OR3A2: variants seen among roughly 807,000 people sequenced by gnomAD.
The protein encoded by OR3A2 is olfactory receptor family 3 subfamily A member 2.
For synonymous variants in OR3A2, 126 were observed against 159.3 expected (o/e 0.79, Z 1.57); for missense variants, 318 against 392.8 (o/e 0.81, Z 1.61).
At chr17:3,285,004 A>G (rs2625469), upstream of OR3A2, among the ~76,000 whole-genome samples, 11 of 151,726 alleles carry the variant, frequency 7.2e-5, no homozygotes, top group Non-Finnish European at 1.6e-4. Context: ...TCTCCTGGGG[A>G]CTTGTTAGTG....
intron 2 of OR3A2, among the ~76,000 whole-genome samples, chr17:3,371,462 G>A (rs1177296107): frequency 4.1e-5 from 6 of 145,678 alleles, no homozygotes; most frequent in Admixed American, 4.0e-4. Context: ...TGGCTGGCTG[G>A]GCGGGGGGCT....
intron 3 of OR3A2, among the ~76,000 whole-genome samples, chr17:3,313,469 C>T (rs2049059862): frequency 6.6e-6 from 1 of 152,250 alleles, no homozygotes; most frequent in African/African-American, 2.4e-5. Flanking sequence ...TAACTCAGTG[C>T]TGTCTACACT....
At chr17:3,381,319 T>A (rs230408) in intron 2 of OR3A2, among the ~76,000 whole-genome samples, 5 of 130,186 alleles carry the variant, frequency 3.8e-5, no homozygotes, top group African/African-American at 9.6e-5. Flanking sequence ...AAACATAGGG[T>A]TTTTTTTTTT....
At chr17:3,293,325 A>C (rs1048066525) in intron 3 of OR3A2, among the ~76,000 whole-genome samples, 1 of 152,222 alleles carries the variant, frequency 6.6e-6, no homozygotes, top group Non-Finnish European at 1.5e-5. Context: ...TACACAGGCT[A>C]TAGATAAAGC....
In OR3A2 at chr17:3,345,537, TAAG is replaced by T. The variant is rs552035037; in HGVS notation, c.-178-9414_-178-9412del. On this transcript the variant is annotated intron_variant, in intron 2 of 4. Coordinates refer to the OR3A2 transcript ENST00000573491. ...AGCAGCCTTAGAAAGTGAAATAAAA[TAAG>T]AAGAGCCCATAAAAAGAAACAATAT... 1.7e-3 allele frequency among the ~76,000 whole-genome samples: 265 copies of T among 151,434 alleles called. 1 individual carries two copies. Among genetic ancestry groups the T allele is most frequent in the African/African-American group, 5.8e-3 (239 of 41,300 alleles).
intron 3 of OR3A2, chr17:3,310,696 T>C (rs1277698684): frequency 5.5e-6 from 3 of 545,354 alleles, no homozygotes; most frequent in Non-Finnish European, 1.1e-5. Context: ...TATCTGGCCA[T>C]CTGCCAGTCC....
intron 2 of OR3A2, among the ~76,000 whole-genome samples, chr17:3,336,649 A>G (rs897650117): frequency 6.6e-6 from 1 of 152,204 alleles, no homozygotes; most frequent in Non-Finnish European, 1.5e-5. Flanking sequence ...TGTATAAAGA[A>G]TATCAATTTG....
chr17:3,319,669 T>A (rs1015309679), intron 3 of OR3A2, among the ~76,000 whole-genome samples: 11 of 152,186 alleles, frequency 7.2e-5, no homozygotes, highest in Non-Finnish European at 1.5e-4. Flanking sequence ...AATGATGGTT[T>A]CCAGTTTCAT....
At chr17:3,370,639 T>TTC (rs1165831403) in intron 2 of OR3A2, among the ~76,000 whole-genome samples, 1 of 151,916 alleles carries the variant, frequency 6.6e-6, no homozygotes, top group Admixed American at 6.6e-5. Context: ...TTCGGATTTT[T>TTC]TTTTTTATTG....
intron 3 of OR3A2, among the ~76,000 whole-genome samples, chr17:3,305,868 C>A (rs2048996075): frequency 6.6e-6 from 1 of 152,200 alleles, no homozygotes; most frequent in South Asian, 2.1e-4. Flanking sequence ...TTGGTTCGTG[C>A]CTTCCTTCTT....
At chr17:3,315,469 G>A (rs759024263) in intron 3 of OR3A2, among the ~76,000 whole-genome samples, 8 of 151,940 alleles carry the variant, frequency 5.3e-5, no homozygotes, top group Admixed American at 1.3e-4. Context: ...TGGGTTTGTC[G>A]GCCACTTGTA....
intron 2 of OR3A2, among the ~76,000 whole-genome samples, chr17:3,342,078 C>T (rs773001110): frequency 3.3e-5 from 5 of 151,662 alleles, no homozygotes; most frequent in African/African-American, 9.7e-5. Flanking sequence ...CTTGTGCATG[C>T]GTCACGTAGT....
intron 2 of OR3A2, among the ~76,000 whole-genome samples, chr17:3,383,430 A>G (rs1229136175): frequency 6.6e-6 from 1 of 152,160 alleles, no homozygotes; most frequent in African/African-American, 2.4e-5. Flanking sequence ...CTTGACATCA[A>G]CCGTGTAAGA....
At chr17:3,321,940 G>A (rs1344004127) in intron 3 of OR3A2, among the ~76,000 whole-genome samples, 3 of 152,274 alleles carry the variant, frequency 2.0e-5, no homozygotes, top group African/African-American at 7.2e-5. Context: ...GATTGGAATA[G>A]TTTCAGAAGG....
At chr17:3,339,101 T>A (rs1273292641) in intron 2 of OR3A2, among the ~76,000 whole-genome samples, 1 of 152,190 alleles carries the variant, frequency 6.6e-6, no homozygotes, top group Non-Finnish European at 1.5e-5. Flanking sequence ...TGCTTATGAT[T>A]TTTGCACATT....
At chr17:3,368,838 T>A (rs780898360) in intron 2 of OR3A2, among the ~76,000 whole-genome samples, 2 of 152,210 alleles carry the variant, frequency 1.3e-5, no homozygotes, top group Non-Finnish European at 2.9e-5. Context: ...GTATGGTCAT[T>A]TTCACAATAT....
intron 2 of OR3A2, among the ~76,000 whole-genome samples, chr17:3,380,967 TTA>T (rs1450621952): frequency 6.6e-6 from 1 of 152,210 alleles, no homozygotes; most frequent in Non-Finnish European, 1.5e-5. Flanking sequence ...TATTGAGGTT[TTA>T]TGTCTCTGGC....
At chr17:3,291,654 C>A (rs2048867992) in intron 3 of OR3A2, 1 of 1,600,382 alleles carries the variant, frequency 6.2e-7, no homozygotes, top group Admixed American at 1.7e-5. Flanking sequence ...TGACCGCCTC[C>A]CTGTGAGCAT....
At chr17:3,279,574 A>G (rs2048764921) in intron 1 of OR3A2, among the ~76,000 whole-genome samples, 1 of 152,226 alleles carries the variant, frequency 6.6e-6, no homozygotes, top group African/African-American at 2.4e-5. Flanking sequence ...CGGGTGCATC[A>G]TCTGAGATCA....
Sources: gnomAD v4.1 joint callset for allele counts (sites outside exome capture counted in the v4.1 genomes callset) on GRCh38, gnomAD v4.1.1 for gene constraint, MANE v1.5 for transcripts, NCBI Gene and HGNC (gene_info 2026-07-23, HGNC 2026-07-21) for gene names.